MAGI2: variants seen among roughly 807,000 people sequenced by gnomAD.
MAGI2 encodes membrane associated guanylate kinase, WW and PDZ domain containing 2, also known as membrane-associated guanylate kinase, WW and PDZ domain-containing protein 2.
A neutral mutation model predicts 133.3 loss-of-function variants in MAGI2; 35 were observed. The observed-to-expected ratio is 0.26, with a 90% CI of 0.20 to 0.35. The LOEUF is 0.35. Among genes scored for constraint, MAGI2 ranks in the 10% least tolerant of loss-of-function variants. The pLI, the probability that MAGI2 is intolerant of heterozygous loss-of-function variation, is 1.00. For missense variants in MAGI2, 1,636 were observed against 1,863.4 expected, an observed-to-expected ratio of 0.88 and a Z score of 2.25; for synonymous variants, 729 against 710.6, an observed-to-expected ratio of 1.03 and a Z score of -0.41.
At chr7:78,803,312 G>A (rs920525900) in intron 2 of MAGI2, among the ~76,000 whole-genome samples, 1 of 151,862 alleles carries the variant, frequency 6.6e-6, no homozygotes, top group Non-Finnish European at 1.5e-5. Flanking sequence ...GCATAATTAC[G>A]GAAGAAAAAA....
At chr7:78,763,814 A>G (rs913966200) in intron 2 of MAGI2, among the ~76,000 whole-genome samples, 7 of 152,232 alleles carry the variant, frequency 4.6e-5, no homozygotes, top group Admixed American at 4.6e-4. Flanking sequence ...CTGTATCAAT[A>G]ATTTATCTAG....
intron 3 of MAGI2, among the ~76,000 whole-genome samples, chr7:78,546,296 A>G (rs1798830471): frequency 6.6e-6 from 1 of 152,204 alleles, no homozygotes; most frequent in South Asian, 2.1e-4. Flanking sequence ...TACCACCACC[A>G]CTATCATTAT....
Position 78,388,276 on chromosome 7 carries a change from A to ATCATCATCATCATCATCATCG in MAGI2, c.1046-19084_1046-19064dup, listed in dbSNP as rs1205065154. ...GTACTGTTACTGTTGCTCCACTGTT[A>ATCATCATCATCATCATCATCG]TCATCATCATCATCATCATCGTCAT... On this transcript the variant is annotated intron_variant, in intron 6 of 21. Transcript: ENST00000354212. Among the ~76,000 whole-genome samples, 3 of 22,278 alleles carry ATCATCATCATCATCATCATCG rather than the reference A, an allele frequency of 1.3e-4. No homozygotes were observed. In the South Asian group the frequency reaches 3.6e-3, roughly 27 times the overall value. The allele number at this position is 22,278 out of a possible 152,430, so 14.6% of individuals were successfully genotyped here.
chr7:78,073,705 G>T (rs868836360), intron 21 of MAGI2, among the ~76,000 whole-genome samples: 3 of 152,206 alleles, frequency 2.0e-5, no homozygotes, highest in Non-Finnish European at 4.4e-5. Context: ...TGTTCGTGTT[G>T]TACTCTTTGA....
At chr7:78,041,480 AC>A (rs1216068759) in intron 21 of MAGI2, among the ~76,000 whole-genome samples, 1 of 152,074 alleles carries the variant, frequency 6.6e-6, no homozygotes, top group Non-Finnish European at 1.5e-5. Context: ...GTTTGAGACC[AC>A]CCTGGGCAAC....
At chr7:78,094,210 GAAC>G (rs1431503509) in intron 20 of MAGI2, among the ~76,000 whole-genome samples, 1 of 152,164 alleles carries the variant, frequency 6.6e-6, no homozygotes, top group Non-Finnish European at 1.5e-5. Flanking sequence ...GACTGTTCAA[GAAC>G]AACTTCAGTC....
At chr7:79,065,720 C>T (rs1301255583) in intron 1 of MAGI2, among the ~76,000 whole-genome samples, 1 of 152,080 alleles carries the variant, frequency 6.6e-6, no homozygotes, top group Non-Finnish European at 1.5e-5. Flanking sequence ...TAGCCCCACA[C>T]CCCATGAAAT....
At chr7:78,893,872 A>G (rs902038813) in intron 2 of MAGI2, among the ~76,000 whole-genome samples, 8 of 152,164 alleles carry the variant, frequency 5.3e-5, no homozygotes, top group African/African-American at 1.9e-4. Context: ...AACTTAAAGT[A>G]TAATAATAAT....
At chr7:78,573,076 TACACACACACACACACACGGAGAG>T (rs1801723994) in intron 3 of MAGI2, among the ~76,000 whole-genome samples, 2 of 52,582 alleles carry the variant, frequency 3.8e-5, no homozygotes, top group South Asian at 6.9e-4. Context: ...TATATATATA[TACACACACACACACACACGGAGAG>T]ATATACATAT....
intron 2 of MAGI2, among the ~76,000 whole-genome samples, chr7:78,752,034 G>A (rs972028442): frequency 2.4e-4 from 36 of 152,206 alleles, no homozygotes; most frequent in African/African-American, 8.0e-4. Flanking sequence ...GGGAAACAAG[G>A]TGAGTCTGAT....
intron 4 of MAGI2, among the ~76,000 whole-genome samples, chr7:78,504,327 A>G (rs55932199): frequency 0.21 from 32,142 of 151,308 alleles, 3,511 homozygotes; most frequent in South Asian, 0.4. Context: ...TTTTTGAAAT[A>G]TCTCCTAATG....
At chr7:78,294,932 C>T (rs1039418250) in intron 9 of MAGI2, among the ~76,000 whole-genome samples, 1 of 152,020 alleles carries the variant, frequency 6.6e-6, no homozygotes, top group Non-Finnish European at 1.5e-5. Flanking sequence ...AACATTGCTG[C>T]ATGATATGTT....
At chr7:79,210,122 A>G (rs1829382613) in intron 1 of MAGI2, among the ~76,000 whole-genome samples, 2 of 152,128 alleles carry the variant, frequency 1.3e-5, no homozygotes, top group South Asian at 4.1e-4. Context: ...TGTTAAATAC[A>G]TTGACTGTTG....
chr7:78,272,294 TG>T (rs1464519324), intron 9 of MAGI2, among the ~76,000 whole-genome samples: 1 of 152,246 alleles, frequency 6.6e-6, no homozygotes, highest in East Asian at 1.9e-4. Flanking sequence ...TTGATTGCAC[TG>T]TGGTCTGAGA....
At chr7:78,936,820 A>G (rs1800552747) in intron 2 of MAGI2, among the ~76,000 whole-genome samples, 1 of 152,114 alleles carries the variant, frequency 6.6e-6, no homozygotes, top group Admixed American at 6.6e-5. Flanking sequence ...GTTGGATTGC[A>G]ATCAGAAATA....
At chr7:79,350,774 C>G (rs1416989940) in intron 1 of MAGI2, among the ~76,000 whole-genome samples, 1 of 152,042 alleles carries the variant, frequency 6.6e-6, no homozygotes, top group Non-Finnish European at 1.5e-5. Context: ...AATCACATCT[C>G]TTTGTTTTTC....
intron 9 of MAGI2, among the ~76,000 whole-genome samples, chr7:78,274,095 G>T (rs1371580064): frequency 6.6e-6 from 1 of 152,188 alleles, no homozygotes; most frequent in East Asian, 1.9e-4. Context: ...GGTCCTTGAT[G>T]TTGGGGACCT....
chr7:79,144,218 T>C (rs1822403465), intron 1 of MAGI2, among the ~76,000 whole-genome samples: 1 of 152,218 alleles, frequency 6.6e-6, no homozygotes, highest in South Asian at 2.1e-4. Flanking sequence ...CTACATAATA[T>C]GTATAACAGG....
rs752181291 is a variant in MAGI2, at chr7:78,226,729, G to C, written c.2048-25536C>G. ...AAAACAATTTTAAAATGCACTGTGC[G>C]TGTGTATGTATATATGTACGTATTT... is the stretch of plus-strand genomic sequence containing the variant. On this transcript the variant is annotated intron_variant, in intron 10 of 21. Coordinates refer to ENST00000354212, the MANE Select transcript of MAGI2 (RefSeq NM_012301.4). Among the ~76,000 whole-genome samples the C allele has an allele frequency of 2.0e-5, 3 of 152,186 alleles. No individual in the cohort carries two copies. The East Asian group carries it at 5.8e-4, about 29-fold the overall frequency.
Sources: allele counts gnomAD v4.1 joint callset (sites outside exome capture counted in the v4.1 genomes callset), GRCh38; gene constraint gnomAD v4.1.1; transcripts MANE v1.5; gene names NCBI Gene and HGNC (gene_info 2026-07-23, HGNC 2026-07-21).